The following PCDHGA4 variants were observed in gnomAD, a reference collection of about 807,000 sequenced individuals.
PCDHGA4 encodes the protein protocadherin gamma subfamily A, 4.
PCDHGA4 carries 38 observed loss-of-function variants against 54.6 expected under a neutral mutation model. The ratio of observed to expected loss-of-function variants is 0.70; its 90% CI spans 0.54 to 0.91. The LOEUF is 0.91. PCDHGA4 is among the 40% of genes least tolerant of loss of function. PCDHGA4 has a pLI of 0.00. For missense variants in PCDHGA4, 1,298 were observed against 1,220.9 expected, an observed-to-expected ratio of 1.06 and a Z score of -0.94; for synonymous variants, 511 against 512.9, an observed-to-expected ratio of 1.00 and a Z score of 0.05.
intron 1 of PCDHGA4, among the ~76,000 whole-genome samples, chr5:141,420,845 G>A (rs1038454602): frequency 6.6e-6 from 1 of 152,200 alleles, no homozygotes; most frequent in African/African-American, 2.4e-5. Flanking sequence ...GGTGTTCTTG[G>A]TAAAGTTTTA....
Position 141,422,497 on chromosome 5 carries a change from A to G in PCDHGA4, c.2514+64876A>G, listed in dbSNP as rs1257927470. 1.9e-6 allele frequency: 3 copies of G among 1,613,874 alleles called. No homozygotes were observed. In the African/African-American group the frequency reaches 4.0e-5, roughly 22 times the overall value. On this transcript the variant is annotated intron_variant, in intron 1 of 3. Transcript: ENST00000571252. Reference sequence around the variant, plus strand: ...GGTCCAGAGCTACAATATAACGTTGACAGCCACAGACCAGGGAAGCCCGCC... The same window carrying G: ...GGTCCAGAGCTACAATATAACGTTGGCAGCCACAGACCAGGGAAGCCCGCC...
intron 1 of PCDHGA4, among the ~76,000 whole-genome samples, chr5:141,363,030 AT>A (rs749692043): frequency 2.6e-5 from 4 of 152,260 alleles, no homozygotes; most frequent in Non-Finnish European, 4.4e-5. Context: ...ACATTGTCCC[AT>A]TGACTTGAAG....
rs1760456922 is a variant in PCDHGA4 at position 141,357,081 on chromosome 5, C to T, written c.1974C>T (p.Arg658=). The change falls in exon 1 of 4, where the codon CGC becomes CGT. Residue 658 remains arginine (R), a synonymous_variant. Transcript: ENST00000571252. The part of the protein sequence containing the change: ...FAVGLHTGEV[R]TARALLDRDA... ...TGGGGCTGCACACAGGCGAGGTGCG[C>T]ACCGCACGGGCCCTGCTGGACAGAG... is the stretch of plus-strand genomic sequence containing the variant. 3 of 1,613,922 alleles carry T rather than the reference C, an allele frequency of 1.9e-6. No homozygotes were observed. The highest frequency in any genetic ancestry group is 2.5e-6 in the Non-Finnish European group (3 of 1,179,960).
intron 1 of PCDHGA4, chr5:141,414,158 G>C: frequency 6.2e-7 from 1 of 1,602,572 alleles, no homozygotes; most frequent in Non-Finnish European, 8.5e-7. Context: ...GCAGAAGATG[G>C]AGGAGCATAT....
chr5:141,360,738 CAG>C lies in PCDHGA4; in HGVS notation c.2514+3121_2514+3122del, dbSNP rs754230241. 7.4e-6 allele frequency: 12 copies of C among 1,613,846 alleles called. No individual in the cohort carries two copies. In the Admixed American group the frequency reaches 1.8e-4, roughly 25 times the overall value. On this transcript the variant is annotated intron_variant, in intron 1 of 3. Transcript: ENST00000571252. ...AGTTGATTCTAAAACACTCTCTGGA[CAG>C]AGAAGAGCACAGTTTACATCAATTG...
chr5:141,361,590 C>T, intron 1 of PCDHGA4: 1 of 1,614,036 alleles, frequency 6.2e-7, no homozygotes, highest in Non-Finnish European at 8.5e-7. Context: ...GCCCCAGTGG[C>T]CAAGTTTCCT....
At chr5:141,418,373 C>T (rs936895178) in intron 1 of PCDHGA4, 1 of 1,614,006 alleles carries the variant, frequency 6.2e-7, no homozygotes, top group Non-Finnish European at 8.5e-7. Context: ...CAAATACCAA[C>T]TAAGTCCTAA....
rs201673318 is a variant in PCDHGA4, at chr5:141,421,626, C to G, written c.2514+64005C>G. On this transcript the variant is annotated intron_variant, in intron 1 of 3. Coordinates refer to ENST00000571252, the MANE Select transcript of PCDHGA4 (RefSeq NM_018917.4). ...TAGATATTAATGATAACGCCCCCAG[C>G]TTCCAGGAGGACGAAGTGGAGATAA... 1.9e-6 allele frequency: 3 copies of G among 1,613,842 alleles called. No individual in the cohort carries two copies. In the African/African-American group the frequency reaches 4.0e-5, roughly 21 times the overall value.
At chr5:141,390,285 A>T (rs1428739924) in intron 1 of PCDHGA4, 1 of 1,613,968 alleles carries the variant, frequency 6.2e-7, no homozygotes, top group Non-Finnish European at 8.5e-7. Flanking sequence ...CCATCAGGTG[A>T]GTTTCCTTTA....
intron 1 of PCDHGA4, chr5:141,407,952 G>A (rs1235192174): frequency 2.7e-5 from 17 of 633,328 alleles, no homozygotes; most frequent in Admixed American, 1.4e-4. Context: ...CTGTCGGCCA[G>A]TGCAGAGCAA....
At chr5:141,384,243 C>T in intron 1 of PCDHGA4, 1 of 1,613,880 alleles carries the variant, frequency 6.2e-7, no homozygotes, top group Non-Finnish European at 8.5e-7. Context: ...CCAACGATAA[C>T]CCACCCACCT....
In PCDHGA4 at chr5:141,491,561, A is replaced by G. The variant is rs1289732955; in HGVS notation, c.2515-3246A>G. ...CCCACAGACTCGCAGAGCCACTGCT[A>G]CAGGACGTGCTTTTCACCGGCCTCG... On this transcript the variant is annotated intron_variant, in intron 1 of 3. Transcript: ENST00000571252. The surrounding 1 kb of genome is among the most constrained non-coding windows in gnomAD (Gnocchi z 6.9). The G allele has an allele frequency of 6.2e-7, 1 of 1,613,938 alleles. No homozygotes were observed. Among genetic ancestry groups the G allele is most frequent in the Non-Finnish European group, 8.5e-7 (1 of 1,180,018 alleles).
Position 141,362,248 on chromosome 5 carries a change from C to T in PCDHGA4, c.2514+4627C>T, listed in dbSNP as rs1019484860. ...GGCCTTGATCTCAGTGCTCTTCTTC[C>T]TCGCGGTGATTCTGGCAATCTCCCT... On this transcript the variant is annotated intron_variant, in intron 1 of 3. Transcript: ENST00000571252. 6.8e-6 allele frequency: 11 copies of T among 1,613,922 alleles called. No homozygotes were observed. The Admixed American group carries it at 1.3e-4, about 20-fold the overall frequency.
At position 141,389,943 on chromosome 5, in the gene PCDHGA4, CAGTTTT is replaced by C. The variant is rs777429461; in HGVS notation, c.2514+32324_2514+32329del. The C allele has an allele frequency of 2.5e-6, 4 of 1,613,956 alleles. No homozygotes were observed. In the African/African-American group the frequency reaches 5.3e-5, roughly 22 times the overall value. On this transcript the variant is annotated intron_variant, in intron 1 of 3. Transcript: ENST00000571252. The stretch of plus-strand genomic sequence containing the variant: ...CCCCTCTGACCTCCAGGCTGAGCTG[CAGTTTT>C]ACCTAGTGGTGGCCTTGGCCTTGAT...
intron 1 of PCDHGA4, chr5:141,410,442 C>G (rs1444532577): frequency 6.2e-7 from 1 of 1,613,942 alleles, no homozygotes; most frequent in Admixed American, 1.7e-5. Context: ...AGTGAGGGGA[C>G]TTTGCCTTAT....
Position 141,511,983 on chromosome 5 carries a change from G to C in PCDHGA4, c.*810G>C, listed in dbSNP as rs904146751. On this transcript the variant is annotated 3_prime_UTR_variant, in exon 4 of 4. Coordinates refer to ENST00000571252, the MANE Select transcript of PCDHGA4 (RefSeq NM_018917.4). ...AGGGAAGTGTGTGGATGTGGATGGT[G>C]GGGGCATGGACAAAGCTTGACACAT... 6.5e-6 allele frequency: 1 copy of C among 153,280 alleles called. No individual in the cohort carries two copies. The allele number at this position is 153,280 out of a possible 1,614,324, so 9.5% of individuals were successfully genotyped here.
At chr5:141,384,862 T>A in intron 1 of PCDHGA4, 1 of 1,613,686 alleles carries the variant, frequency 6.2e-7, no homozygotes, top group Non-Finnish European at 8.5e-7. Context: ...GCCTCCTCTG[T>A]CAGCCACCGT....
Position 141,432,205 on chromosome 5 carries a change from A to G in PCDHGA4, c.2515-62602A>G, listed in dbSNP as rs764567227. 1 of 1,614,180 alleles carries G rather than the reference A, an allele frequency of 6.2e-7. No individual in the cohort carries two copies. Among genetic ancestry groups the G allele is most frequent in the South Asian group, 1.1e-5 (1 of 91,074 alleles). On this transcript the variant is annotated intron_variant, in intron 1 of 3. Transcript: ENST00000571252. This position sits in a 1 kb window ranked among gnomAD's most constrained non-coding sequence, Gnocchi z 6.0. The stretch of plus-strand genomic sequence containing the variant: ...TGACCGCCCACGACCCCGACTGTGA[A>G]GAGAACGCCCAGATCACTTATTCCC...
chr5:141,373,048 A>G (rs1215321006), intron 1 of PCDHGA4, among the ~76,000 whole-genome samples: 2 of 152,146 alleles, frequency 1.3e-5, no homozygotes, highest in African/African-American at 4.8e-5. Flanking sequence ...ATCCTAATAC[A>G]CTATAATCTG....
Sources: gnomAD v4.1 joint callset for allele counts (sites outside exome capture counted in the v4.1 genomes callset) on GRCh38, gnomAD v4.1.1 for gene constraint, Gnocchi (gnomAD v3.1) non-coding constraint, MANE v1.5 for transcripts, NCBI Gene and HGNC (gene_info 2026-07-23, HGNC 2026-07-21) for gene names.